The following SNX7 variants were observed in gnomAD, a reference collection of about 807,000 sequenced individuals.
SNX7 encodes the protein sorting nexin 7, also known as sorting nexin-7.
In SNX7, 35 loss-of-function variants were observed where a neutral mutation model predicts 48.4. The observed-to-expected ratio is 0.72, with a 90% CI of 0.55 to 0.96. The LOEUF (loss-of-function observed/expected upper bound fraction) is 0.96. Among genes scored for constraint, SNX7 ranks in the 40% least tolerant of loss-of-function variants. The pLI, the probability that SNX7 is intolerant of heterozygous loss-of-function variation, is 0.00. For synonymous variants in SNX7, 190 were observed against 190.2 expected, an observed-to-expected ratio of 1.00 and a Z score of 0.01; for missense variants, 553 against 548.9, an observed-to-expected ratio of 1.01 and a Z score of -0.07.
intron 7 of SNX7, among the ~76,000 whole-genome samples, chr1:98,730,391 A>G (rs921269258): frequency 6.6e-6 from 1 of 152,100 alleles, no homozygotes; most frequent in African/African-American, 2.4e-5. Context: ...TCAGCTTACT[A>G]TTGGAAGTTC....
chr1:98,719,930 ATAT>A (rs922229090), intron 7 of SNX7, among the ~76,000 whole-genome samples: 1 of 149,738 alleles, frequency 6.7e-6, no homozygotes, highest in African/African-American at 2.4e-5. Flanking sequence ...TATGTATATT[ATAT>A]ATATTATTCA....
chr1:98,693,180 GGA>G (rs1466536160), intron 4 of SNX7, among the ~76,000 whole-genome samples: 1 of 151,702 alleles, frequency 6.6e-6, no homozygotes, highest in Non-Finnish European at 1.5e-5. Flanking sequence ...GGAGATGGAT[GGA>G]TGGATGGATG....
At chr1:98,703,873 T>C (rs922491668) in intron 7 of SNX7, among the ~76,000 whole-genome samples, 4 of 152,044 alleles carry the variant, frequency 2.6e-5, no homozygotes, top group African/African-American at 9.7e-5. Context: ...ATTTTGCTCT[T>C]GATGAAATAC....
Position 98,697,186 on chromosome 1 carries a change from T to C in SNX7, c.838+1470T>C, listed in dbSNP as rs1379209202. Among the ~76,000 whole-genome samples, 4 of 152,094 alleles carry C rather than the reference T, an allele frequency of 2.6e-5. No individual in the cohort carries two copies. In the South Asian group the frequency reaches 8.3e-4, roughly 31 times the overall value. ...CCAGAAATTAGTTCAGTATGGTCAT[T>C]ATTTAACATAAAGACAGGCCTAGGA... On this transcript the variant is annotated intron_variant, in intron 5 of 8. Coordinates refer to ENST00000306121, the MANE Select transcript of SNX7 (RefSeq NM_015976.5).
chr1:98,676,297 A>G (rs1650161708), intron 1 of SNX7, among the ~76,000 whole-genome samples: 1 of 152,160 alleles, frequency 6.6e-6, no homozygotes, highest in African/African-American at 2.4e-5. Context: ...TATGGATAGA[A>G]TTCATTATAC....
At chr1:98,676,150 T>TA (rs1650150926) in intron 1 of SNX7, among the ~76,000 whole-genome samples, 1 of 151,918 alleles carries the variant, frequency 6.6e-6, no homozygotes, top group Admixed American at 6.6e-5. Context: ...GTCATACACA[T>TA]ACACACACAT....
intron 7 of SNX7, among the ~76,000 whole-genome samples, chr1:98,726,228 ATG>A (rs780250687): frequency 6.6e-6 from 1 of 152,150 alleles, no homozygotes; most frequent in Non-Finnish European, 1.5e-5. Context: ...TGACTGATAA[ATG>A]TGTGTCTTTG....
Position 98,751,958 on chromosome 1 carries a change from T to C in SNX7, c.1279-8096T>C, listed in dbSNP as rs535833079. 2.6e-5 allele frequency among the ~76,000 whole-genome samples: 4 copies of C among 152,244 alleles called. No individual in the cohort carries two copies. In the East Asian group the frequency reaches 5.8e-4, roughly 22 times the overall value. On this transcript the variant is annotated intron_variant, in intron 8 of 8. Coordinates refer to ENST00000306121, the MANE Select transcript of SNX7 (RefSeq NM_015976.5). ...GAACTATTAAATGTCAGGCCAGCAG[T>C]GATGCTGGATATTTTTTATTACTAC...
intron 1 of SNX7, among the ~76,000 whole-genome samples, chr1:98,663,914 CA>C (rs1458957302): frequency 6.6e-6 from 1 of 152,122 alleles, no homozygotes; most frequent in African/African-American, 2.4e-5. Flanking sequence ...AGTGAAAATC[CA>C]ACAAGAGTAG....
chr1:98,666,385 C>G (rs187070042), intron 1 of SNX7, among the ~76,000 whole-genome samples: 5 of 152,294 alleles, frequency 3.3e-5, no homozygotes, highest in Admixed American at 3.3e-4. Context: ...ACTGCATTTA[C>G]AGAGAGAGGT....
upstream of SNX7, among the ~76,000 whole-genome samples, chr1:98,661,331 C>T (rs1351376715): frequency 2.0e-5 from 3 of 151,568 alleles, no homozygotes; most frequent in African/African-American, 7.3e-5. Context: ...TGCCTTCCAG[C>T]CTCGCTGTGG....
chr1:98,736,941 G>C (rs750985968), intron 7 of SNX7, among the ~76,000 whole-genome samples: 1 of 152,088 alleles, frequency 6.6e-6, no homozygotes, highest in Non-Finnish European at 1.5e-5. Context: ...ACATAAGAGA[G>C]ATGATGTCAT....
intron 1 of SNX7, among the ~76,000 whole-genome samples, chr1:98,665,414 T>G (rs1649484546): frequency 6.6e-6 from 1 of 152,206 alleles, no homozygotes; most frequent in Non-Finnish European, 1.5e-5. Flanking sequence ...TGAAATGAAT[T>G]ATTTAGTATG....
intron 1 of SNX7, 126 bp from the exon 2 acceptor site, chr1:98,684,759 C>T: frequency 1.6e-6 from 1 of 612,006 alleles, no homozygotes; most frequent in Non-Finnish European, 2.6e-6. Flanking sequence ...TTCAGTATAC[C>T]ACATTTAACT....
At chr1:98,677,896 A>C (rs1367475369) in intron 1 of SNX7, among the ~76,000 whole-genome samples, 3 of 150,586 alleles carry the variant, frequency 2.0e-5, no homozygotes, top group Non-Finnish European at 4.4e-5. Context: ...AAAAAAAAAG[A>C]AATAGAGGTA....
intron 7 of SNX7, among the ~76,000 whole-genome samples, chr1:98,730,193 T>G (rs1487697542): frequency 3.3e-5 from 5 of 151,884 alleles, no homozygotes; most frequent in African/African-American, 7.3e-5. Context: ...GAAAAGGCCT[T>G]CGATAAAATT....
intron 1 of SNX7, among the ~76,000 whole-genome samples, chr1:98,677,643 G>T (rs1035507426): frequency 1.3e-5 from 2 of 152,146 alleles, no homozygotes. Flanking sequence ...ACTTTGGTAG[G>T]CCGAGGTGGG....
chr1:98,710,230 A>G (rs1326120083), intron 7 of SNX7, among the ~76,000 whole-genome samples: 4 of 152,186 alleles, frequency 2.6e-5, no homozygotes, highest in Admixed American at 1.3e-4. Context: ...TGCTTAGGGA[A>G]GTAACTGCAT....
intron 7 of SNX7, among the ~76,000 whole-genome samples, chr1:98,703,388 T>A (rs1490309507): frequency 6.6e-6 from 1 of 152,144 alleles, no homozygotes; most frequent in Non-Finnish European, 1.5e-5. Flanking sequence ...AACTTAGAAT[T>A]ATTATACTAT....
Sources: gnomAD v4.1 joint callset for allele counts (sites outside exome capture counted in the v4.1 genomes callset) on GRCh38, gnomAD v4.1.1 for gene constraint, MANE v1.5 for transcripts, NCBI Gene and HGNC (gene_info 2026-07-23, HGNC 2026-07-21) for gene names.